The following TTLL9 variants were observed in gnomAD, a reference collection of about 807,000 sequenced individuals.
TTLL9 encodes the protein probable tubulin polyglutamylase TTLL9.
A neutral mutation model predicts 65.6 loss-of-function variants in TTLL9; 47 were observed. The ratio of observed to expected loss-of-function variants is 0.72; its 90% CI spans 0.57 to 0.91. The LOEUF is 0.91. Ranked by LOEUF, TTLL9 falls within the 40% of genes least tolerant of loss-of-function variation. The pLI, the probability that TTLL9 is intolerant of heterozygous loss-of-function variation, is 0.00. For synonymous variants in TTLL9, 179 were observed against 204.8 expected (o/e 0.87, Z 1.07); for missense variants, 537 against 568.8 (o/e 0.94, Z 0.57).
At chr20:31,927,480 CAAAAAAAA>C (rs777895091) in intron 10 of TTLL9, among the ~76,000 whole-genome samples, 5 of 54,182 alleles carry the variant, frequency 9.2e-5, no homozygotes, top group Admixed American at 7.1e-4. Flanking sequence ...GACTCTGTCT[CAAAAAAAA>C]AAAAAAAAAA....
At chr20:31,909,193 T>C (rs1034901776) in intron 5 of TTLL9, among the ~76,000 whole-genome samples, 6 of 139,296 alleles carry the variant, frequency 4.3e-5, no homozygotes, top group South Asian at 4.6e-4. Context: ...TGGAGTGCAA[T>C]GGCATGATCT....
At chr20:31,921,744 G>A (rs965722357) in intron 7 of TTLL9, among the ~76,000 whole-genome samples, 4 of 151,972 alleles carry the variant, frequency 2.6e-5, no homozygotes, top group African/African-American at 9.7e-5. Context: ...AATACCGCAT[G>A]TTCTCACTCA....
chr20:31,873,611 C>G (rs1297363481), intron 2 of TTLL9, among the ~76,000 whole-genome samples: 2 of 147,446 alleles, frequency 1.4e-5, no homozygotes, highest in African/African-American at 5.0e-5. Context: ...GATCACATCA[C>G]TGTACTTCAG....
chr20:31,933,864 G>A lies in TTLL9; in HGVS notation c.807+6G>A. 1.2e-6 allele frequency: 2 copies of A among 1,613,844 alleles called. No individual in the cohort carries two copies. The highest frequency in any genetic ancestry group is 1.7e-6 in the Non-Finnish European group (2 of 1,179,838). On this transcript the variant is annotated splice_donor_region_variant and intron_variant, in intron 11 of 14. Transcript: ENST00000535842. ...CCGACTACCACCCAAAGAAGGTGAG[G>A]AAGCCGGGCTCGGCTATGCACGGGT...
At chr20:31,918,614 G>A (rs2063772118) in intron 6 of TTLL9, among the ~76,000 whole-genome samples, 1 of 152,112 alleles carries the variant, frequency 6.6e-6, no homozygotes. Context: ...GAACTCCTGA[G>A]CTTAAATAAT....
chr20:31,894,633 C>T (rs1003473254), intron 3 of TTLL9, among the ~76,000 whole-genome samples: 1 of 151,816 alleles, frequency 6.6e-6, no homozygotes, highest in African/African-American at 2.4e-5. Context: ...GTATGAAAAA[C>T]AATTGTATAT....
chr20:31,893,213 T>C (rs574507020), intron 3 of TTLL9, among the ~76,000 whole-genome samples: 9 of 152,312 alleles, frequency 5.9e-5, no homozygotes, highest in African/African-American at 2.2e-4. Context: ...GATCTTTTTT[T>C]CTTTAAGCAC....
chr20:31,942,312 G>A (rs1000938581), intron 14 of TTLL9, among the ~76,000 whole-genome samples: 25 of 152,294 alleles, frequency 1.6e-4, no homozygotes, highest in African/African-American at 6.0e-4. Context: ...CACCATGAAC[G>A]TCCTGGGAGA....
intron 2 of TTLL9, among the ~76,000 whole-genome samples, chr20:31,874,318 ACT>A (rs2063007539): frequency 6.6e-6 from 1 of 151,644 alleles, no homozygotes; most frequent in Non-Finnish European, 1.5e-5. Flanking sequence ...AGGTGTTTAC[ACT>A]CTATTTCCTT....
intron 7 of TTLL9, 150 bp downstream of exon 7, chr20:31,920,082 ATTGTCCAGG>A (rs2063793752): frequency 3.3e-6 from 2 of 606,784 alleles, no homozygotes; most frequent in South Asian, 7.5e-5. Flanking sequence ...CCAGAGCCAG[ATTGTCCAGG>A]TTCAAATCCT....
intron 8 of TTLL9, 21 bp downstream of exon 8, chr20:31,923,074 C>A (rs1447546606): frequency 3.2e-6 from 5 of 1,571,978 alleles, no homozygotes; most frequent in Non-Finnish European, 3.5e-6. Flanking sequence ...TGTGTCTGCT[C>A]CTGCTCTTCC....
intron 6 of TTLL9, among the ~76,000 whole-genome samples, chr20:31,917,061 A>G (rs1373173307): frequency 6.6e-6 from 1 of 152,238 alleles, no homozygotes; most frequent in Non-Finnish European, 1.5e-5. Flanking sequence ...ACCAAAGCAT[A>G]TGAACCTGAA....
At chr20:31,902,227 C>G (rs2063489567) in intron 4 of TTLL9, among the ~76,000 whole-genome samples, 1 of 152,194 alleles carries the variant, frequency 6.6e-6, no homozygotes, top group Non-Finnish European at 1.5e-5. Flanking sequence ...CTCCCTCCCT[C>G]CAGCCTCTGT....
Position 31,919,294 on chromosome 20 carries a change from G to C in TTLL9, c.505-570G>C, listed in dbSNP as rs116624414. Among the ~76,000 whole-genome samples the C allele has an allele frequency of 4.2e-3, 639 of 152,280 alleles. 6 individuals carry two copies. Among genetic ancestry groups the C allele is most frequent in the African/African-American group, 0.015 (604 of 41,566 alleles). ...AAGCTATCCTGTAACAAAATGGGCT[G>C]TTTGGCATTGGTGGGGGAGGTAGTG... On this transcript the variant is annotated intron_variant, in intron 6 of 14. Coordinates refer to ENST00000535842, the MANE Select transcript of TTLL9 (RefSeq NM_001008409.5).
At chr20:31,928,150 C>A (rs2063941636) in intron 10 of TTLL9, among the ~76,000 whole-genome samples, 1 of 151,994 alleles carries the variant, frequency 6.6e-6, no homozygotes, top group Admixed American at 6.6e-5. Flanking sequence ...TCCTCCTCTC[C>A]CACTTAAAAA....
intron 2 of TTLL9, among the ~76,000 whole-genome samples, chr20:31,882,621 A>C (rs1285637790): frequency 3.3e-5 from 5 of 152,100 alleles, no homozygotes; most frequent in Admixed American, 3.3e-4. Flanking sequence ...CAATAAGATA[A>C]TTTTTTAAAA....
At chr20:31,890,807 G>C (rs1443739790) in intron 3 of TTLL9, among the ~76,000 whole-genome samples, 2 of 152,150 alleles carry the variant, frequency 1.3e-5, no homozygotes, top group African/African-American at 4.8e-5. Context: ...GTTGGCAGAG[G>C]GTCAGTTCAC....
intron 10 of TTLL9, among the ~76,000 whole-genome samples, chr20:31,931,773 T>G (rs891053932): frequency 6.6e-6 from 1 of 152,266 alleles, no homozygotes; most frequent in African/African-American, 2.4e-5. Context: ...CCTGTATGTA[T>G]TCTGGATACT....
In TTLL9 at chr20:31,877,344, G is replaced by A. The variant is rs192911584; in HGVS notation, c.69+6149G>A. The stretch of plus-strand genomic sequence containing the variant: ...AGTAGAGACGGGGTTTCACCATGGT[G>A]GCCAGGTCTCAATCTGTTGACCTCG... On this transcript the variant is annotated intron_variant, in intron 2 of 14. Coordinates refer to ENST00000535842, the MANE Select transcript of TTLL9 (RefSeq NM_001008409.5). 1.2e-3 allele frequency among the ~76,000 whole-genome samples: 184 copies of A among 152,256 alleles called. 1 individual carries two copies. The highest frequency in any genetic ancestry group is 0.012 in the Admixed American group (182 of 15,290).
Sources: gnomAD v4.1 joint callset for allele counts (sites outside exome capture counted in the v4.1 genomes callset) on GRCh38, gnomAD v4.1.1 for gene constraint, MANE v1.5 for transcripts, NCBI Gene and HGNC (gene_info 2026-07-23, HGNC 2026-07-21) for gene names.